Variants in PSD3 observed in about 807,000 individuals in gnomAD.
PSD3 encodes pleckstrin and Sec7 domain containing 3.
In PSD3, 49 loss-of-function variants were observed where a neutral mutation model predicts 105.5. The ratio of observed to expected loss-of-function variants is 0.46; its 90% CI spans 0.37 to 0.59. The LOEUF is 0.59. PSD3 is among the 20% of genes least tolerant of loss of function. The pLI is 0.00. For missense variants in PSD3, 1,561 were observed against 1,263.8 expected (o/e 1.24, Z -3.57); for synonymous variants, 557 against 457.8 (o/e 1.22, Z -2.77).
chr8:18,859,224 CT>C (rs35179243), intron 4 of PSD3, among the ~76,000 whole-genome samples: 1,970 of 130,250 alleles, frequency 0.015, 41 homozygotes, highest in Admixed American at 0.078. Context: ...CAAAGAAATC[CT>C]TTTTTTTTTT....
chr8:18,973,768 T>G lies in PSD3; in HGVS notation c.22-37626A>C, dbSNP rs149083690. Among the ~76,000 whole-genome samples the G allele has an allele frequency of 2.3e-3, 355 of 152,318 alleles. 1 individual carries two copies. Among genetic ancestry groups the G allele is most frequent in the African/African-American group, 8.2e-3 (342 of 41,578 alleles). ...AGACATGAAGTGGGAGTATTAGAGT[T>G]GGACTAGATGAAGTTTAAGCTTCTT... On this transcript the variant is annotated intron_variant, in intron 1 of 15. Transcript: ENST00000327040.
chr8:18,983,745 T>G (rs1428989381), intron 1 of PSD3, among the ~76,000 whole-genome samples: 1 of 152,004 alleles, frequency 6.6e-6, no homozygotes, highest in East Asian at 1.9e-4. Flanking sequence ...ATGCCTGTAA[T>G]CCTACCATTT....
chr8:18,622,411 C>T (rs1585416478), intron 11 of PSD3, among the ~76,000 whole-genome samples: 1 of 152,274 alleles, frequency 6.6e-6, no homozygotes, highest in East Asian at 1.9e-4. Context: ...TCATAATAGG[C>T]TGTAAACACA....
At chr8:19,048,402 C>T (rs1268382396) in intron 1 of PSD3, among the ~76,000 whole-genome samples, 23 of 152,194 alleles carry the variant, frequency 1.5e-4, no homozygotes. Flanking sequence ...AAATGGTTTA[C>T]AGCCTTGAGC....
chr8:18,911,914 C>A (rs1012286507), intron 2 of PSD3, among the ~76,000 whole-genome samples: 2 of 152,132 alleles, frequency 1.3e-5, no homozygotes, highest in African/African-American at 4.8e-5. Context: ...TAACTTAATA[C>A]ACACCAAAAC....
chr8:18,920,176 G>T (rs902088434), intron 2 of PSD3, among the ~76,000 whole-genome samples: 1 of 151,864 alleles, frequency 6.6e-6, no homozygotes, highest in Non-Finnish European at 1.5e-5. Context: ...AGGAACCATC[G>T]CTTTAAAACA....
At chr8:18,950,098 T>C (rs12543327) in intron 1 of PSD3, among the ~76,000 whole-genome samples, 4 of 152,026 alleles carry the variant, frequency 2.6e-5, no homozygotes, top group African/African-American at 9.6e-5. Context: ...AAACTATAGC[T>C]TTGTCACGAT....
intron 2 of PSD3, among the ~76,000 whole-genome samples, chr8:18,898,878 C>G (rs1267458545): frequency 1.3e-5 from 2 of 152,036 alleles, no homozygotes; most frequent in African/African-American, 2.4e-5. Flanking sequence ...GGAAGAAGAA[C>G]AGGAAGCAAG....
intron 1 of PSD3, among the ~76,000 whole-genome samples, chr8:18,988,895 T>G (rs911826489): frequency 6.6e-6 from 1 of 152,174 alleles, no homozygotes; most frequent in East Asian, 1.9e-4. Flanking sequence ...TGTCCGGGAA[T>G]GTAAGCGCTT....
At chr8:18,661,882 T>C (rs1430592263) in intron 9 of PSD3, among the ~76,000 whole-genome samples, 2 of 152,214 alleles carry the variant, frequency 1.3e-5, no homozygotes, top group Non-Finnish European at 1.5e-5. Context: ...TGGACAGTTT[T>C]CACATGCCCA....
chr8:18,775,087 C>T (rs1184808115), intron 8 of PSD3: 3 of 401,054 alleles, frequency 7.5e-6, no homozygotes, highest in Admixed American at 2.8e-5. Flanking sequence ...TAAGCCCCCC[C>T]AAGTTTGAGA....
At chr8:19,065,116 A>G (rs1829033629) in intron 1 of PSD3, among the ~76,000 whole-genome samples, 1 of 152,134 alleles carries the variant, frequency 6.6e-6, no homozygotes, top group African/African-American at 2.4e-5. Context: ...TTAACCCTAT[A>G]AGGAAAGTAA....
chr8:18,961,121 G>T (rs4563932), intron 1 of PSD3, among the ~76,000 whole-genome samples: 59,514 of 151,656 alleles, frequency 0.39, 11,839 homozygotes, highest in Non-Finnish European at 0.41. Context: ...AAAGACTACT[G>T]GTGAAAGAAA....
At chr8:18,876,835 C>A (rs779633789) in intron 2 of PSD3, among the ~76,000 whole-genome samples, 19 of 152,170 alleles carry the variant, frequency 1.2e-4, no homozygotes, top group Non-Finnish European at 5.9e-5. Context: ...TTCCTACAAG[C>A]AATGTCTAAG....
At chr8:18,976,979 T>C (rs1824975571) in intron 1 of PSD3, among the ~76,000 whole-genome samples, 1 of 152,182 alleles carries the variant, frequency 6.6e-6, no homozygotes. Flanking sequence ...GAAAGACTAT[T>C]GTTTGACTTT....
intron 1 of PSD3, among the ~76,000 whole-genome samples, chr8:18,983,161 C>G (rs1282769172): frequency 6.6e-6 from 1 of 152,232 alleles, no homozygotes; most frequent in Non-Finnish European, 1.5e-5. Flanking sequence ...ACCTTATGAA[C>G]CAATGTCTGC....
chr8:19,079,458 C>T (rs1334712682), intron 1 of PSD3, among the ~76,000 whole-genome samples: 4 of 152,094 alleles, frequency 2.6e-5, no homozygotes, highest in East Asian at 1.9e-4. Flanking sequence ...AAATGACTCA[C>T]CAAGTAGAAT....
chr8:18,813,433 C>T (rs573169545), intron 4 of PSD3, among the ~76,000 whole-genome samples: 1 of 152,260 alleles, frequency 6.6e-6, no homozygotes, highest in South Asian at 2.1e-4. Context: ...ACTAGTCACC[C>T]TTATGTTGGT....
intron 9 of PSD3, among the ~76,000 whole-genome samples, chr8:18,751,141 G>A (rs117163328): frequency 0.018 from 2,665 of 152,232 alleles, 130 homozygotes; most frequent in East Asian, 0.17. Flanking sequence ...CCACGGAGGC[G>A]GGGAAGGCTC....
Sources: gnomAD v4.1 joint callset for allele counts (sites outside exome capture counted in the v4.1 genomes callset) on GRCh38, gnomAD v4.1.1 for gene constraint, MANE v1.5 for transcripts, NCBI Gene and HGNC (gene_info 2026-07-23, HGNC 2026-07-21) for gene names.